The following OR4N2 variants were observed in gnomAD, a reference collection of about 807,000 sequenced individuals.
OR4N2 encodes olfactory receptor family 4 subfamily N member 2.
For synonymous variants in OR4N2, 141 were observed against 140.4 expected (o/e 1.00, Z -0.03); for missense variants, 307 against 377.6 (o/e 0.81, Z 1.55).
At chr14:19,807,147 GAATTT>G (rs1397385221) in intron 1 of OR4N2, among the ~76,000 whole-genome samples, 1 of 150,942 alleles carries the variant, frequency 6.6e-6, no homozygotes, top group Non-Finnish European at 1.5e-5. Context: ...AGAAAAATCT[GAATTT>G]AATAATCCAA....
intron 1 of OR4N2, among the ~76,000 whole-genome samples, chr14:19,823,767 C>T (rs2138479388): frequency 7.1e-6 from 1 of 140,890 alleles, no homozygotes; most frequent in Non-Finnish European, 1.6e-5. Flanking sequence ...GAACAGGCAA[C>T]AAATTAACAG....
intron 1 of OR4N2, among the ~76,000 whole-genome samples, chr14:19,811,568 G>A (rs1879298215): frequency 6.6e-6 from 1 of 152,246 alleles, no homozygotes; most frequent in Non-Finnish European, 1.5e-5. Context: ...TTAAAACAAA[G>A]TATTAGCAAT....
At chr14:19,814,150 A>G (rs1212978514) in intron 1 of OR4N2, among the ~76,000 whole-genome samples, 1 of 152,122 alleles carries the variant, frequency 6.6e-6, no homozygotes, top group Non-Finnish European at 1.5e-5. Context: ...ATAATTTTAA[A>G]ATAGAATTAA....
At chr14:19,825,004 A>C (rs1193759216) in intron 1 of OR4N2, among the ~76,000 whole-genome samples, 1 of 152,256 alleles carries the variant, frequency 6.6e-6, no homozygotes, top group Non-Finnish European at 1.5e-5. Flanking sequence ...GATTTAAGGA[A>C]ATTTTTATAT....
At chr14:19,804,987 C>T (rs1174328721) in intron 1 of OR4N2, among the ~76,000 whole-genome samples, 1 of 152,106 alleles carries the variant, frequency 6.6e-6, no homozygotes, top group Non-Finnish European at 1.5e-5. Flanking sequence ...GGTTTATAGT[C>T]TATTTTGTCT....
rs1879751297 is a variant in OR4N2 at position 19,827,817 on chromosome 14, C to T, written c.369C>T (p.Tyr123=). 1 of 1,614,256 alleles carries T rather than the reference C, an allele frequency of 6.2e-7. No individual in the cohort carries two copies. Among genetic ancestry groups the T allele is most frequent in the Non-Finnish European group, 8.5e-7 (1 of 1,180,044 alleles). ...TTGTTGTGATGGCCTTTGACCGCTACATCGCCATCTGCCGGCCTCTGCACT... is the reference window on the plus strand; with the variant it reads ...TTGTTGTGATGGCCTTTGACCGCTATATCGCCATCTGCCGGCCTCTGCACT... ...LLLVVMAFDR[Y]IAICRPLHYP... is the part of the protein sequence containing the mutation. Residue 123 remains tyrosine (Y), a synonymous_variant, in exon 2 of 2, where the codon TAC becomes TAT. Transcript: ENST00000557677.
chr14:19,819,090 T>A (rs1409968234), intron 1 of OR4N2, among the ~76,000 whole-genome samples: 4 of 152,202 alleles, frequency 2.6e-5, no homozygotes, highest in African/African-American at 9.6e-5. Flanking sequence ...GGTAACTACT[T>A]GACCTTTCTT....
chr14:19,822,208 C>T (rs780329491), intron 1 of OR4N2: 2 of 151,920 alleles, frequency 1.3e-5, no homozygotes, highest in African/African-American at 4.8e-5. Context: ...CTTGGGATTA[C>T]TTTACTGGCA....
chr14:19,827,160 A>T (rs1224789271), intron 1 of OR4N2, among the ~76,000 whole-genome samples: 2 of 152,276 alleles, frequency 1.3e-5, no homozygotes, highest in Non-Finnish European at 2.9e-5. Context: ...AGGAATCCCA[A>T]CGTGGAGGAT....
Position 19,829,330 on chromosome 14 carries a change from C to T in OR4N2, c.*958C>T, listed in dbSNP as rs1287860557. On this transcript the variant is annotated 3_prime_UTR_variant, in exon 2 of 2. Coordinates refer to ENST00000557677, the MANE Select transcript of OR4N2 (RefSeq NM_001004723.3). ...GATTTCACTCTAAGTTTAATAACAACAGTCTTTTGGTAGAGCAATCAGGAT... is the reference window on the plus strand; with the variant it reads ...GATTTCACTCTAAGTTTAATAACAATAGTCTTTTGGTAGAGCAATCAGGAT... 5 of 152,368 alleles carry T rather than the reference C, an allele frequency of 3.3e-5. No individual in the cohort carries two copies. The East Asian group carries it at 9.6e-4, about 29-fold the overall frequency. The allele number at this position is 152,368 out of a possible 1,614,324, so 9.4% of individuals were successfully genotyped here. A position where few individuals can be genotyped will look rare whatever the true frequency, so the allele number is the denominator to read the frequency against.
At chr14:19,812,369 C>T (rs1270735369) in intron 1 of OR4N2, among the ~76,000 whole-genome samples, 2 of 147,472 alleles carry the variant, frequency 1.4e-5, no homozygotes, top group Non-Finnish European at 3.0e-5. Flanking sequence ...CTCTGTCGCC[C>T]AGGCTGGATC....
At chr14:19,822,672 C>A (rs1267638736) in intron 1 of OR4N2, among the ~76,000 whole-genome samples, 4 of 152,246 alleles carry the variant, frequency 2.6e-5, no homozygotes, top group African/African-American at 9.6e-5. Flanking sequence ...GACAAAAGAT[C>A]TAGCAGCATT....
Position 19,828,167 on chromosome 14 carries a change from G to A in OR4N2, c.719G>A (p.Cys240Tyr), listed in dbSNP as rs762978823. 4 of 1,614,244 alleles carry A rather than the reference G, an allele frequency of 2.5e-6. No homozygotes were observed. The highest frequency in any genetic ancestry group is 2.2e-5 in the South Asian group (2 of 91,088). The change falls in exon 2 of 2, where the codon TGC becomes TAC. Residue 240 changes from cysteine (C) to tyrosine (Y), a missense_variant. Transcript: ENST00000557677. ...GCAAAAAACAAGGCCATGTCCACGT[G>A]CATCACCCATATCATTGTTATATTC... is the stretch of plus-strand genomic sequence containing the variant. ...SEAKNKAMST[C>Y]ITHIIVIFFM...
At position 19,827,471 on chromosome 14, in the gene OR4N2, T is replaced by C. The variant is rs1879728197; in HGVS notation, c.23T>C (p.Val8Ala). 6.2e-7 allele frequency: 1 copy of C among 1,603,938 alleles called. No individual in the cohort carries two copies. MESENRT[V>A]IREFILLGLT... The stretch of plus-strand genomic sequence containing the variant: ...GAAATGGAAAGCGAGAACAGAACAG[T>C]GATAAGAGAATTCATCCTCCTTGGT... The change falls in exon 2 of 2, where the codon GTG becomes GCG. Residue 8 changes from valine (V) to alanine (A), a missense_variant. Val to Ala is a moderately conservative substitution (Grantham distance 64). Coordinates refer to ENST00000557677, the MANE Select transcript of OR4N2 (RefSeq NM_001004723.3).
chr14:19,808,369 A>G (rs1468976836), intron 1 of OR4N2, among the ~76,000 whole-genome samples: 3 of 152,190 alleles, frequency 2.0e-5, no homozygotes, highest in Non-Finnish European at 4.4e-5. Context: ...GAACTGATAT[A>G]CAGTTTTAGG....
chr14:19,827,358 C>T lies in OR4N2; in HGVS notation c.-9-82C>T. The T allele has an allele frequency of 1.2e-5, 15 of 1,291,952 alleles. No individual in the cohort carries two copies. In the South Asian group the frequency reaches 2.1e-4, roughly 18 times the overall value. The allele number at this position is 1,291,952 out of a possible 1,614,324, so 80.0% of individuals were successfully genotyped here. On this transcript the variant is annotated intron_variant, in intron 1 of 1. Transcript: ENST00000557677. ...TTTTTAGCTGAAGTACTGCATGTGC[C>T]AAATATTTTTTAGCTGTATAACTAG...
At chr14:19,816,185 C>CT (rs58039580) in intron 1 of OR4N2, among the ~76,000 whole-genome samples, 1 of 151,826 alleles carries the variant, frequency 6.6e-6, no homozygotes, top group Non-Finnish European at 1.5e-5. Context: ...TATACAGGCT[C>CT]TTTTTTTGTT....
At chr14:19,824,441 T>C (rs1309779766) in intron 1 of OR4N2, among the ~76,000 whole-genome samples, 19 of 152,350 alleles carry the variant, frequency 1.2e-4, no homozygotes, top group Non-Finnish European at 1.8e-4. Flanking sequence ...TCAAAGTCCT[T>C]CAGAAATCCT....
intron 1 of OR4N2, among the ~76,000 whole-genome samples, chr14:19,826,872 C>T (rs1295376686): frequency 6.6e-6 from 1 of 152,124 alleles, no homozygotes; most frequent in African/African-American, 2.4e-5. Context: ...AAAGAGTATA[C>T]AAGGATATCA....
Sources: allele counts gnomAD v4.1 joint callset (sites outside exome capture counted in the v4.1 genomes callset), GRCh38; gene constraint gnomAD v4.1.1; transcripts MANE v1.5; gene names NCBI Gene and HGNC (gene_info 2026-07-23, HGNC 2026-07-21).